TMEM260: variants seen among roughly 807,000 people sequenced by gnomAD.
TMEM260 encodes protein O-mannosyl-transferase TMEM260.
TMEM260 carries 82 observed loss-of-function variants against 88.9 expected under a neutral mutation model. The observed-to-expected ratio is 0.92, with a 90% CI of 0.77 to 1.11. The LOEUF (loss-of-function observed/expected upper bound fraction) is 1.11. TMEM260 is among the 50% of genes least tolerant of loss of function. The pLI is 0.00. For synonymous variants in TMEM260, 314 were observed against 309.3 expected (o/e 1.02, Z -0.16); for missense variants, 902 against 853.4 (o/e 1.06, Z -0.71).
chr14:56,600,871 T>G (rs781201077), intron 3 of TMEM260, among the ~76,000 whole-genome samples: 8 of 152,226 alleles, frequency 5.3e-5, no homozygotes, highest in Non-Finnish European at 5.9e-5. Flanking sequence ...TTTCCATTAC[T>G]GGTTTCATAA....
chr14:56,600,406 G>A (rs563093618), intron 3 of TMEM260, among the ~76,000 whole-genome samples: 72 of 152,278 alleles, frequency 4.7e-4, no homozygotes, highest in African/African-American at 1.7e-3. Flanking sequence ...TTGGTTGCAA[G>A]CAGGTGACTC....
At chr14:56,650,014 T>A (rs192369934), downstream of TMEM260, 1 of 433,150 alleles carries the variant, frequency 2.3e-6, no homozygotes, top group African/African-American at 2.1e-5. Flanking sequence ...CTTTCCTTTC[T>A]ATTAGGTGAG....
Position 56,647,281 on chromosome 14 carries a change from A to G in TMEM260, c.1908A>G (p.Pro636=). 1 of 1,614,122 alleles carries G rather than the reference A, an allele frequency of 6.2e-7. No individual in the cohort carries two copies. The highest frequency in any genetic ancestry group is 8.5e-7 in the Non-Finnish European group (1 of 1,180,018). The change falls in exon 16 of 16, where the codon CCA becomes CCG. Residue 636 remains proline (P), a synonymous_variant. Transcript: ENST00000261556. ...TTGTCTATTTACAAAAGGAGCACCC[A>G]GTGAATTGGCACAAGAACTATGCCA... ...KEIVYLQKEH[P]VNWHKNYAIA... is the part of the protein sequence containing the mutation.
rs186388158 is a variant in TMEM260, at chr14:56,642,874, A to G, written c.1870-4369A>G. ...ATACAAACTACCATCAGAGACTACTATAAACACGTCTATGCAAATAAACTA... is the reference window on the plus strand; with the variant it reads ...ATACAAACTACCATCAGAGACTACTGTAAACACGTCTATGCAAATAAACTA... On this transcript the variant is annotated intron_variant, in intron 15 of 15. Transcript: ENST00000261556. Among the ~76,000 whole-genome samples, 176 of 152,352 alleles carry G rather than the reference A, an allele frequency of 1.2e-3. 5 individuals carry two copies. The South Asian group carries it at 0.019, about 17-fold the overall frequency.
At chr14:56,655,043 G>T (rs923842712), downstream of TMEM260, among the ~76,000 whole-genome samples, 7 of 152,084 alleles carry the variant, frequency 4.6e-5, no homozygotes, top group Non-Finnish European at 8.8e-5. Flanking sequence ...GGTGACATTT[G>T]TTAGCCACTT....
intron 11 of TMEM260, among the ~76,000 whole-genome samples, chr14:56,622,656 A>G (rs189828553): frequency 7.2e-5 from 11 of 152,156 alleles, no homozygotes; most frequent in South Asian, 2.1e-4. Context: ...TAAGCCATAG[A>G]TACATAAAAG....
In TMEM260 at chr14:56,604,092, T is replaced by C. The variant is rs1373308559; in HGVS notation, c.522+100T>C. The stretch of plus-strand genomic sequence containing the variant: ...CTTAAATACCTTTTATCTATTCTGA[T>C]TACAGTCGGGATAATCTAGCATGCT... On this transcript the variant is annotated intron_variant, in intron 4 of 15. Transcript: ENST00000261556. 5.9e-6 allele frequency: 7 copies of C among 1,181,472 alleles called. No individual in the cohort carries two copies. The Admixed American group carries it at 1.2e-4, about 21-fold the overall frequency. The allele number at this position is 1,181,472 out of a possible 1,614,324, so 73.2% of individuals were successfully genotyped here.
intron 1 of TMEM260, among the ~76,000 whole-genome samples, chr14:56,581,735 C>G (rs1447692060): frequency 6.6e-6 from 1 of 152,156 alleles, no homozygotes. Flanking sequence ...AATGGGAAAA[C>G]TAAGGCTAAG....
intron 15 of TMEM260, among the ~76,000 whole-genome samples, chr14:56,638,476 C>T (rs72711233): frequency 0.024 from 3,592 of 152,192 alleles, 97 homozygotes; most frequent in East Asian, 0.099. Flanking sequence ...TTCTCATCAG[C>T]GACCTCTTCT....
At chr14:56,590,423 A>G (rs982936520) in intron 3 of TMEM260, among the ~76,000 whole-genome samples, 3 of 152,226 alleles carry the variant, frequency 2.0e-5, no homozygotes, top group Admixed American at 6.5e-5. Context: ...TTTAAAAGCT[A>G]AGGCAATATT....
At chr14:56,650,081 T>A (rs10149189), downstream of TMEM260, 14,200 of 455,094 alleles carry the variant, frequency 0.031, 363 homozygotes, top group Middle Eastern at 0.097. Flanking sequence ...GTGTACAGAC[T>A]CCATAAAATC....
the TMEM260 span, among the ~76,000 whole-genome samples, chr14:56,661,743 G>T: frequency 2.6e-5 from 4 of 152,144 alleles, no homozygotes; most frequent in Non-Finnish European, 5.9e-5. Context: ...TTTCTCACAG[G>T]CATATGTTCT....
chr14:56,628,269 GTTTTC>G (rs755173301), intron 12 of TMEM260, among the ~76,000 whole-genome samples: 12 of 149,416 alleles, frequency 8.0e-5, no homozygotes, highest in Non-Finnish European at 1.6e-4. Context: ...GGATTGAGTT[GTTTTC>G]TTATTGTTGA....
In TMEM260 at chr14:56,604,859, G is replaced by C. The variant is rs114592361; in HGVS notation, c.523-711G>C. Among the ~76,000 whole-genome samples the C allele has an allele frequency of 4.4e-3, 676 of 152,290 alleles. 2 individuals are homozygous for C. Among genetic ancestry groups the C allele is most frequent in the African/African-American group, 0.015 (644 of 41,552 alleles). On this transcript the variant is annotated intron_variant, in intron 4 of 15. Coordinates refer to ENST00000261556, the MANE Select transcript of TMEM260 (RefSeq NM_017799.4). ...GGGAGTCAGTGTATGGAAAATTACT[G>C]AGAGGAAGCATCAGCGGTAAAGGGA...
At chr14:56,641,884 TTAAA>T (rs56661996) in intron 15 of TMEM260, among the ~76,000 whole-genome samples, 6,114 of 151,912 alleles carry the variant, frequency 0.04, 410 homozygotes, top group African/African-American at 0.14. Flanking sequence ...AAAACAGACT[TTAAA>T]CCAACAAAGA....
At chr14:56,635,111 G>A in intron 14 of TMEM260, among the ~76,000 whole-genome samples, 159 bp downstream of exon 14, 1 of 152,104 alleles carries the variant, frequency 6.6e-6, no homozygotes, top group East Asian at 1.9e-4. Context: ...CATTATACAT[G>A]AATATTTCAG....
intron 6 of TMEM260, among the ~76,000 whole-genome samples, chr14:56,610,702 T>C (rs1887205635): frequency 6.6e-6 from 1 of 152,170 alleles, no homozygotes; most frequent in Non-Finnish European, 1.5e-5. Context: ...TTTACATTTA[T>C]ATTCTGCTTT....
At chr14:56,585,592 A>G (rs981023139) in intron 2 of TMEM260, 169 bp from the exon 3 acceptor site, 43 of 613,690 alleles carry the variant, frequency 7.0e-5, no homozygotes, top group Middle Eastern at 4.5e-4. Flanking sequence ...GAAAATATTT[A>G]TTTGTATTGC....
chr14:56,590,347 A>G (rs1306249860), intron 3 of TMEM260, among the ~76,000 whole-genome samples: 2 of 152,234 alleles, frequency 1.3e-5, no homozygotes, highest in Non-Finnish European at 2.9e-5. Context: ...GGAAATGTTA[A>G]TAATGCACTG....
Sources: allele counts gnomAD v4.1 joint callset (sites outside exome capture counted in the v4.1 genomes callset), GRCh38; gene constraint gnomAD v4.1.1; transcripts MANE v1.5; gene names NCBI Gene and HGNC (gene_info 2026-07-23, HGNC 2026-07-21).